Variants in SPTLC2 observed in about 807,000 individuals in gnomAD.
SPTLC2 encodes the protein serine palmitoyltransferase long chain base subunit 2, also known as serine palmitoyltransferase 2.
A neutral mutation model predicts 62.0 loss-of-function variants in SPTLC2; 21 were observed. The ratio of observed to expected loss-of-function variants is 0.34; its 90% CI spans 0.24 to 0.49. The LOEUF is 0.49. Among genes scored for constraint, SPTLC2 ranks in the 20% least tolerant of loss-of-function variants. The pLI is 0.99. For synonymous variants in SPTLC2, 261 were observed against 261.8 expected (o/e 1.00, Z 0.03); for missense variants, 511 against 713.0 (o/e 0.72, Z 3.23).
rs541792556 is a variant in SPTLC2 at position 77,531,531 on chromosome 14, G to A, written c.1304-9950C>T. Among the ~76,000 whole-genome samples, 21 of 99,488 alleles carry A rather than the reference G, an allele frequency of 2.1e-4. No homozygotes were observed. In the South Asian group the frequency reaches 3.5e-3, roughly 16 times the overall value. 65.3% of individuals were successfully genotyped at this position (99,488 alleles called of 152,430 possible). A position where few individuals can be genotyped will look rare whatever the true frequency, so the allele number is the denominator to read the frequency against. On this transcript the variant is annotated intron_variant, in intron 9 of 11. Transcript: ENST00000216484. ...CCTCTTCTTCTTCTTCTTCTTTTTT[G>A]TGATGGAGTTTTGCTTTTGTTGCCC...
At chr14:77,557,752 T>C (rs1386221427) in intron 6 of SPTLC2, among the ~76,000 whole-genome samples, 1 of 152,202 alleles carries the variant, frequency 6.6e-6, no homozygotes, top group African/African-American at 2.4e-5. Flanking sequence ...TGACAATCAG[T>C]TGAAATTGTT....
At chr14:77,570,782 T>TAA (rs1173378113) in intron 4 of SPTLC2, among the ~76,000 whole-genome samples, 1 of 152,184 alleles carries the variant, frequency 6.6e-6, no homozygotes, top group Non-Finnish European at 1.5e-5. Flanking sequence ...TTCCTGTTTG[T>TAA]GCATACTAGT....
At chr14:77,551,963 A>G (rs1221629298) in intron 9 of SPTLC2, 133 bp downstream of exon 9, 7 of 1,379,340 alleles carry the variant, frequency 5.1e-6, no homozygotes, top group Non-Finnish European at 7.0e-6. Flanking sequence ...AAAAGTGTCC[A>G]TGGAAACCAC....
chr14:77,615,960 G>A lies in SPTLC2; in HGVS notation c.132+488C>T, dbSNP rs112141164. ...GTGGTAGTCCAGAATGTGGTTGGGA[G>A]AGGCTGGGTGTGTTTCCATCTGACA... On this transcript the variant is annotated intron_variant, in intron 1 of 11. Transcript: ENST00000216484. Among the ~76,000 whole-genome samples, 786 of 152,340 alleles carry A rather than the reference G, an allele frequency of 5.2e-3. 3 individuals are homozygous for A. Among genetic ancestry groups the A allele is most frequent in the South Asian group, 9.1e-3 (44 of 4,832 alleles).
At chr14:77,559,145 C>G (rs1173162465) in intron 6 of SPTLC2, among the ~76,000 whole-genome samples, 1 of 151,968 alleles carries the variant, frequency 6.6e-6, no homozygotes, top group African/African-American at 2.4e-5. Flanking sequence ...CATGGCAAAA[C>G]CCTGTCTCTA....
intron 9 of SPTLC2, among the ~76,000 whole-genome samples, chr14:77,525,537 C>T (rs1350312648): frequency 1.3e-5 from 2 of 150,418 alleles, no homozygotes; most frequent in African/African-American, 2.5e-5. Context: ...TTGCCGTGAG[C>T]GAGACTGCGC....
intron 1 of SPTLC2, among the ~76,000 whole-genome samples, chr14:77,600,193 A>G (rs2079869717): frequency 6.6e-6 from 1 of 152,214 alleles, no homozygotes; most frequent in South Asian, 2.1e-4. Flanking sequence ...ATGCTAAACC[A>G]TTATGAAGAA....
rs1023878247 is a variant in SPTLC2 at position 77,545,466 on chromosome 14, G to A, written c.1303+6630C>T. 9.9e-5 allele frequency among the ~76,000 whole-genome samples: 15 copies of A among 152,064 alleles called. No homozygotes were observed. In the South Asian group the frequency reaches 2.3e-3, roughly 23 times the overall value. ...TGTATTTCAGTAGAGACAGGGTTTCGCCATGTTGGTCAGGCTGGTCTCAAA... is the reference window on the plus strand; with the variant it reads ...TGTATTTCAGTAGAGACAGGGTTTCACCATGTTGGTCAGGCTGGTCTCAAA... On this transcript the variant is annotated intron_variant, in intron 9 of 11. Transcript: ENST00000216484.
intron 1 of SPTLC2, among the ~76,000 whole-genome samples, chr14:77,606,337 A>C (rs2079905054): frequency 6.9e-6 from 1 of 144,800 alleles, no homozygotes; most frequent in Non-Finnish European, 1.5e-5. Context: ...GTCTCAAAAA[A>C]CAACAACAAC....
At chr14:77,528,530 C>T (rs28393685) in intron 9 of SPTLC2, among the ~76,000 whole-genome samples, 72 of 151,916 alleles carry the variant, frequency 4.7e-4, no homozygotes, top group Non-Finnish European at 5.7e-4. Flanking sequence ...TGCGCCCAGC[C>T]CCCCCTTTTC....
rs2079384685 is a variant in SPTLC2, at chr14:77,521,492, CTTCA to C, written c.1389_1392del (p.Asn463LysfsTer5). On this transcript the variant is annotated frameshift_variant, in exon 10 of 12. Transcript: ENST00000216484. LOFTEE classifies it high-confidence loss of function. ...AGCATCAAAGGCACTACTGGAGAGT[CTTCA>C]TTTCCATAGATGATGAAGCCCATCT... is the stretch of plus-strand genomic sequence containing the variant. 1 of 1,614,058 alleles carries C rather than the reference CTTCA, an allele frequency of 6.2e-7. No homozygotes were observed. The highest frequency in any genetic ancestry group is 8.5e-7 in the Non-Finnish European group (1 of 1,180,044).
At chr14:77,564,703 A>G (rs915047535) in intron 5 of SPTLC2, among the ~76,000 whole-genome samples, 1 of 152,176 alleles carries the variant, frequency 6.6e-6, no homozygotes, top group African/African-American at 2.4e-5. Context: ...ATGCTTTAAA[A>G]AAAAAAAGTT....
At chr14:77,542,930 G>A (rs1431387538) in intron 9 of SPTLC2, among the ~76,000 whole-genome samples, 1 of 152,226 alleles carries the variant, frequency 6.6e-6, no homozygotes, top group Non-Finnish European at 1.5e-5. Context: ...AAGAATGGTT[G>A]CTAATGCACA....
chr14:77,598,193 G>A (rs1459866717), intron 1 of SPTLC2, among the ~76,000 whole-genome samples: 20 of 151,208 alleles, frequency 1.3e-4, no homozygotes, highest in Non-Finnish European at 2.8e-4. Flanking sequence ...AGGGCTACTT[G>A]TTTTCAATAG....
chr14:77,605,398 C>G (rs1019141725), intron 1 of SPTLC2, among the ~76,000 whole-genome samples: 1 of 152,252 alleles, frequency 6.6e-6, no homozygotes, highest in African/African-American at 2.4e-5. Flanking sequence ...TAGAGAGAGG[C>G]AAGCTAGTGC....
In SPTLC2 at chr14:77,508,304, ACACG is replaced by A. The variant is rs1477721440; in HGVS notation, c.*3976_*3979del. 5 of 152,248 alleles carry A rather than the reference ACACG, an allele frequency of 3.3e-5. No individual in the cohort carries two copies. 9.4% of individuals were successfully genotyped at this position (152,248 alleles called of 1,614,324 possible). ...ACTACTCTCACCTCTTTTTCTAAGC[ACACG>A]GTTATAGCAAGTAGAGATTAAAGCT... On this transcript the variant is annotated 3_prime_UTR_variant, in exon 12 of 12. Coordinates refer to ENST00000216484, the MANE Select transcript of SPTLC2 (RefSeq NM_004863.4).
At chr14:77,525,745 C>A (rs1594970639) in intron 9 of SPTLC2, among the ~76,000 whole-genome samples, 1 of 152,026 alleles carries the variant, frequency 6.6e-6, no homozygotes, top group Admixed American at 6.6e-5. Context: ...CCCGTCTCTA[C>A]TAAAAATGCA....
chr14:77,517,321 G>C (rs1283400513), intron 11 of SPTLC2, among the ~76,000 whole-genome samples: 1 of 152,148 alleles, frequency 6.6e-6, no homozygotes, highest in Non-Finnish European at 1.5e-5. Context: ...CAAATGTCAT[G>C]TTCTAAAGCT....
At chr14:77,541,213 A>AT (rs59437122) in intron 9 of SPTLC2, among the ~76,000 whole-genome samples, 25,162 of 151,364 alleles carry the variant, frequency 0.17, 2,382 homozygotes, top group African/African-American at 0.26. Context: ...ATTTTATTTT[A>AT]TTTTTTTGTA....
Sources: gnomAD v4.1 joint callset for allele counts (sites outside exome capture counted in the v4.1 genomes callset) on GRCh38, gnomAD v4.1.1 for gene constraint, MANE v1.5 for transcripts, NCBI Gene and HGNC (gene_info 2026-07-23, HGNC 2026-07-21) for gene names.